ASIC2: variants seen among roughly 807,000 people sequenced by gnomAD.
The protein encoded by ASIC2 is acid sensing ion channel subunit 2.
A neutral mutation model predicts 57.3 loss-of-function variants in ASIC2; 25 were observed. The observed-to-expected ratio is 0.44, with a 90% CI of 0.32 to 0.61. The LOEUF is 0.61. ASIC2 is among the 20% of genes least tolerant of loss of function. ASIC2 has a pLI of 0.06. For missense variants in ASIC2, 641 were observed against 738.1 expected (o/e 0.87, Z 1.52); for synonymous variants, 319 against 307.5 (o/e 1.04, Z -0.39).
chr17:33,808,804 T>C (rs1033366397), intron 1 of ASIC2, among the ~76,000 whole-genome samples: 2 of 152,206 alleles, frequency 1.3e-5, no homozygotes, highest in African/African-American at 4.8e-5. Flanking sequence ...ACAAGCTTGC[T>C]TGGTACATGA....
intron 1 of ASIC2, among the ~76,000 whole-genome samples, chr17:34,104,588 C>T (rs1378015722): frequency 6.6e-6 from 1 of 152,012 alleles, no homozygotes; most frequent in South Asian, 2.1e-4. Flanking sequence ...TAACAATAGA[C>T]TCTTGCACAT....
chr17:33,027,892 C>T (rs2091865541), intron 4 of ASIC2, among the ~76,000 whole-genome samples: 1 of 152,246 alleles, frequency 6.6e-6, no homozygotes, highest in African/African-American at 2.4e-5. Flanking sequence ...ATGAAAGAAA[C>T]ATCTGGATGC....
At chr17:34,086,541 G>C (rs1241415890) in intron 1 of ASIC2, among the ~76,000 whole-genome samples, 3 of 152,120 alleles carry the variant, frequency 2.0e-5, no homozygotes, top group Admixed American at 2.0e-4. Flanking sequence ...GAGTTCTGTA[G>C]ATGTCTATTA....
chr17:33,496,271 C>T (rs1301334362), intron 1 of ASIC2, among the ~76,000 whole-genome samples: 1 of 152,180 alleles, frequency 6.6e-6, no homozygotes, highest in Non-Finnish European at 1.5e-5. Context: ...GAGTCAATTT[C>T]TCCAAGCAGT....
chr17:33,332,296 A>T (rs546725638), intron 1 of ASIC2, among the ~76,000 whole-genome samples: 2 of 152,342 alleles, frequency 1.3e-5, no homozygotes, highest in East Asian at 3.9e-4. Context: ...CCCTATTTTT[A>T]AAAAAGTTGA....
chr17:33,083,012 A>C lies in ASIC2; in HGVS notation c.987+5851T>G, dbSNP rs2092119465. ...GATTAGCTTGTCTAAGCCAGAAACG[A>C]TATGAATATATCATCCATCACAGCC... On this transcript the variant is annotated intron_variant, in intron 3 of 9. Coordinates refer to ENST00000225823, the MANE Select transcript of ASIC2 (RefSeq NM_183377.2). Among the ~76,000 whole-genome samples the C allele has an allele frequency of 1.3e-5, 2 of 152,186 alleles. 1 individual carries two copies. Among genetic ancestry groups the C allele is most frequent in the South Asian group, 4.1e-4 (2 of 4,826 alleles).
chr17:33,168,914 C>T (rs1365337118), intron 1 of ASIC2, among the ~76,000 whole-genome samples: 6 of 152,150 alleles, frequency 3.9e-5, no homozygotes, highest in Non-Finnish European at 1.5e-5. Context: ...GAGACTAATA[C>T]TGATAGAAAA....
At chr17:33,019,306 G>C (rs889891382) in intron 7 of ASIC2, among the ~76,000 whole-genome samples, 2 of 152,028 alleles carry the variant, frequency 1.3e-5, no homozygotes, top group Admixed American at 6.5e-5. Flanking sequence ...GTGTGTGTGA[G>C]TGTGGGTCTG....
chr17:33,640,443 C>T (rs1277228559), intron 1 of ASIC2, among the ~76,000 whole-genome samples: 4 of 152,170 alleles, frequency 2.6e-5, no homozygotes, highest in Non-Finnish European at 5.9e-5. Context: ...AAAAAAACCA[C>T]AAAGCACCTC....
At position 33,707,481 on chromosome 17, in the gene ASIC2, C is replaced by T. The variant is rs1908897244; in HGVS notation, c.555+448497G>A. ...CAAATACATATACAGATAAATTTGT[C>T]CATTCTATCAAACTTTGTATTTTGG... On this transcript the variant is annotated intron_variant, in intron 1 of 9. Coordinates refer to the ASIC2 transcript ENST00000359872. Among the ~76,000 whole-genome samples the T allele has an allele frequency of 3.3e-5, 5 of 152,210 alleles. No individual in the cohort carries two copies. In the South Asian group the frequency reaches 1.0e-3, roughly 32 times the overall value.
chr17:33,844,835 C>T (rs1050609682), intron 1 of ASIC2, among the ~76,000 whole-genome samples: 2 of 152,166 alleles, frequency 1.3e-5, no homozygotes, highest in African/African-American at 4.8e-5. Context: ...TAGATAGTCT[C>T]ATAATATATT....
chr17:33,319,574 T>C (rs1906788715), intron 1 of ASIC2, among the ~76,000 whole-genome samples: 1 of 152,232 alleles, frequency 6.6e-6, no homozygotes, highest in Non-Finnish European at 1.5e-5. Flanking sequence ...GATACAGCCA[T>C]ACAATGTGTA....
chr17:33,075,778 T>C (rs1324413010), intron 3 of ASIC2, among the ~76,000 whole-genome samples: 1 of 152,202 alleles, frequency 6.6e-6, no homozygotes, highest in Admixed American at 6.5e-5. Flanking sequence ...TCCTTCCCAG[T>C]GTCAGACACA....
intron 1 of ASIC2, among the ~76,000 whole-genome samples, chr17:33,260,475 G>A (rs1266579224): frequency 6.6e-6 from 1 of 152,208 alleles, no homozygotes; most frequent in Non-Finnish European, 1.5e-5. Flanking sequence ...ATAGCTTCTT[G>A]AAGGGAAAAT....
chr17:33,555,404 C>G (rs117459047), intron 1 of ASIC2, among the ~76,000 whole-genome samples: 3 of 121,692 alleles, frequency 2.5e-5, no homozygotes, highest in Non-Finnish European at 3.3e-5. Context: ...ATAACACATT[C>G]TTGGGGGTGC....
intron 1 of ASIC2, among the ~76,000 whole-genome samples, chr17:33,763,965 C>T (rs562925361): frequency 1.3e-5 from 2 of 152,320 alleles, no homozygotes; most frequent in East Asian, 3.9e-4. Context: ...CTGGGGGCTG[C>T]CCTCCTACCC....
At chr17:33,310,653 G>T (rs1229179676) in intron 1 of ASIC2, among the ~76,000 whole-genome samples, 2 of 152,126 alleles carry the variant, frequency 1.3e-5, no homozygotes, top group Admixed American at 1.3e-4. Flanking sequence ...TGTATCTTCT[G>T]CTGTTCTCTC....
At chr17:33,056,798 G>A (rs2091999873) in intron 3 of ASIC2, among the ~76,000 whole-genome samples, 1 of 152,214 alleles carries the variant, frequency 6.6e-6, no homozygotes, top group African/African-American at 2.4e-5. Flanking sequence ...AAGGAGCTGA[G>A]CACGTTTTCA....
intron 1 of ASIC2, among the ~76,000 whole-genome samples, chr17:33,821,278 T>G (rs1912739060): frequency 6.6e-6 from 1 of 152,296 alleles, no homozygotes; most frequent in Non-Finnish European, 1.5e-5. Flanking sequence ...GCTTGGTTAG[T>G]TTACTGACTG....
Sources: gnomAD v4.1 joint callset for allele counts (sites outside exome capture counted in the v4.1 genomes callset) on GRCh38, gnomAD v4.1.1 for gene constraint, MANE v1.5 for transcripts, NCBI Gene and HGNC (gene_info 2026-07-23, HGNC 2026-07-21) for gene names.